ZNF804A: variants seen among roughly 807,000 people sequenced by gnomAD.
The protein encoded by ZNF804A is zinc finger protein 804A.
In ZNF804A, 2 loss-of-function variants were observed where a neutral mutation model predicts 16.5. The observed-to-expected ratio is 0.12, with a 90% CI of 0.05 to 0.38. The LOEUF is 0.38. Among genes scored for constraint, ZNF804A ranks in the 10% least tolerant of loss-of-function variants. The probability of loss-of-function intolerance (pLI) is 0.99; values close to 1 mark genes in which losing one functional copy is unlikely to be tolerated. For synonymous variants in ZNF804A, 534 were observed against 489.6 expected (o/e 1.09, Z -1.20); for missense variants, 1,473 against 1,390.7 (o/e 1.06, Z -0.94).
At chr2:184,689,704 T>C (rs936941333) in intron 1 of ZNF804A, among the ~76,000 whole-genome samples, 2 of 152,046 alleles carry the variant, frequency 1.3e-5, no homozygotes, top group African/African-American at 2.4e-5. Context: ...CATTTTTAGC[T>C]CTTTATTTAT....
chr2:184,612,922 C>T (rs1322438608), intron 1 of ZNF804A, among the ~76,000 whole-genome samples: 1 of 152,138 alleles, frequency 6.6e-6, no homozygotes, highest in East Asian at 1.9e-4. Context: ...AATCAAAACA[C>T]ACAGATCTTT....
intron 2 of ZNF804A, among the ~76,000 whole-genome samples, chr2:184,885,033 G>T (rs1441467259): frequency 6.6e-6 from 1 of 151,996 alleles, no homozygotes; most frequent in Non-Finnish European, 1.5e-5. Context: ...TAAAAAGTAG[G>T]CAAAAGACAC....
intron 1 of ZNF804A, among the ~76,000 whole-genome samples, chr2:184,827,020 A>G (rs1695178712): frequency 6.6e-6 from 1 of 151,860 alleles, no homozygotes; most frequent in Non-Finnish European, 1.5e-5. Flanking sequence ...TTGCCCTACC[A>G]CTCAAAATTC....
chr2:184,834,327 T>C (rs1695309196), intron 1 of ZNF804A, among the ~76,000 whole-genome samples: 1 of 152,096 alleles, frequency 6.6e-6, no homozygotes, highest in Non-Finnish European at 1.5e-5. Context: ...CATATTTTCT[T>C]ACTTGCTGTC....
intron 1 of ZNF804A, among the ~76,000 whole-genome samples, chr2:184,814,023 G>GTTTTTTTTTTTTTCTT (rs1231774388): frequency 9.2e-6 from 1 of 109,280 alleles, no homozygotes; most frequent in Non-Finnish European, 1.8e-5. Context: ...TTTTTTTTTG[G>GTTTTTTTTTTTTTCTT]CTTGTCTACT....
chr2:184,733,702 A>G (rs1406367583), intron 1 of ZNF804A, among the ~76,000 whole-genome samples: 1 of 152,190 alleles, frequency 6.6e-6, no homozygotes, highest in Non-Finnish European at 1.5e-5. Flanking sequence ...TATTTAATAG[A>G]TGGAAGCTTA....
At position 184,825,029 on chromosome 2, in the gene ZNF804A, G is replaced by C. The variant is rs536422543; in HGVS notation, c.112-41340G>C. On this transcript the variant is annotated intron_variant, in intron 1 of 3. Coordinates refer to ENST00000302277, the MANE Select transcript of ZNF804A (RefSeq NM_194250.2). ...ATATGAGTGTCAAAATCATATTTAT[G>C]ATGAGCATATGAAATGTGAAATTTT... Among the ~76,000 whole-genome samples, 37 of 152,264 alleles carry C rather than the reference G, an allele frequency of 2.4e-4. 1 individual carries two copies. The East Asian group carries it at 6.4e-3, about 26-fold the overall frequency.
chr2:184,698,173 C>T, intron 1 of ZNF804A, among the ~76,000 whole-genome samples: 1 of 152,052 alleles, frequency 6.6e-6, no homozygotes, highest in East Asian at 1.9e-4. Flanking sequence ...AGTGCTAGAA[C>T]AGTAACCATC....
Position 184,721,944 on chromosome 2 carries a change from G to A in ZNF804A, c.111+122874G>A, listed in dbSNP as rs74592435. Reference sequence around the variant, plus strand: ...CATGTCATTTGCAGCAACATGAGTGGAGCTGGAGGGCATTATGTTAGGTGA... The same window carrying A: ...CATGTCATTTGCAGCAACATGAGTGAAGCTGGAGGGCATTATGTTAGGTGA... On this transcript the variant is annotated intron_variant, in intron 1 of 3. Transcript: ENST00000302277. 3.8e-3 allele frequency among the ~76,000 whole-genome samples: 575 copies of A among 152,156 alleles called. 1 individual carries two copies. Among genetic ancestry groups the A allele is most frequent in the Non-Finnish European group, 6.7e-3 (455 of 67,966 alleles).
intron 2 of ZNF804A, among the ~76,000 whole-genome samples, chr2:184,904,026 C>A (rs1417660684): frequency 2.0e-5 from 3 of 151,936 alleles, no homozygotes; most frequent in Non-Finnish European, 4.4e-5. Flanking sequence ...AGTAAACTTG[C>A]AGGATATAAA....
At chr2:184,604,448 C>T (rs1691108667) in intron 1 of ZNF804A, among the ~76,000 whole-genome samples, 1 of 152,004 alleles carries the variant, frequency 6.6e-6, no homozygotes, top group South Asian at 2.1e-4. Flanking sequence ...GCTGGGATTA[C>T]AGGCGTGAGC....
chr2:184,751,347 A>G (rs984814024), intron 1 of ZNF804A, among the ~76,000 whole-genome samples: 5 of 151,512 alleles, frequency 3.3e-5, no homozygotes, highest in Admixed American at 6.6e-5. Flanking sequence ...TTGGGCTCTT[A>G]TACAATACAG....
At chr2:184,884,740 C>T (rs1240031555) in intron 2 of ZNF804A, among the ~76,000 whole-genome samples, 2 of 151,984 alleles carry the variant, frequency 1.3e-5, no homozygotes, top group Non-Finnish European at 2.9e-5. Context: ...GACATAAAAA[C>T]CCTGGAAGAT....
At chr2:184,748,246 T>C (rs879634253) in intron 1 of ZNF804A, among the ~76,000 whole-genome samples, 1 of 151,208 alleles carries the variant, frequency 6.6e-6, no homozygotes, top group Non-Finnish European at 1.5e-5. Flanking sequence ...CCACCAACAG[T>C]GTATTAACAT....
intron 2 of ZNF804A, among the ~76,000 whole-genome samples, chr2:184,889,667 G>T (rs1684951061): frequency 6.6e-6 from 1 of 151,588 alleles, no homozygotes; most frequent in African/African-American, 2.4e-5. Flanking sequence ...TATTAAAGCT[G>T]CCCACACACA....
At chr2:184,856,576 ATTGT>A (rs1232383155) in intron 1 of ZNF804A, among the ~76,000 whole-genome samples, 13 of 152,060 alleles carry the variant, frequency 8.5e-5, no homozygotes, top group African/African-American at 3.1e-4. Flanking sequence ...TAAGAAAATG[ATTGT>A]TTATCAGTTG....
At chr2:184,925,879 T>C (rs1683315779) in intron 2 of ZNF804A, among the ~76,000 whole-genome samples, 1 of 151,816 alleles carries the variant, frequency 6.6e-6, no homozygotes, top group African/African-American at 2.4e-5. Flanking sequence ...CTATTTTATT[T>C]TTTGTTGTTT....
intron 1 of ZNF804A, among the ~76,000 whole-genome samples, chr2:184,833,858 T>A (rs950433450): frequency 6.6e-6 from 1 of 152,074 alleles, no homozygotes; most frequent in African/African-American, 2.4e-5. Context: ...ATTCTGCACA[T>A]GTACCACAGA....
intron 1 of ZNF804A, among the ~76,000 whole-genome samples, chr2:184,767,075 T>C (rs920107661): frequency 1.3e-5 from 2 of 152,128 alleles, no homozygotes; most frequent in Admixed American, 6.6e-5. Flanking sequence ...CTTAGAAGAA[T>C]GTAACCTTAA....
Sources: allele counts gnomAD v4.1 joint callset (sites outside exome capture counted in the v4.1 genomes callset), GRCh38; gene constraint gnomAD v4.1.1; transcripts MANE v1.5; gene names NCBI Gene and HGNC (gene_info 2026-07-23, HGNC 2026-07-21).